The following DRAM1 variants were observed in gnomAD, a reference collection of about 807,000 sequenced individuals.
The protein encoded by DRAM1 is DNA damage-regulated autophagy modulator protein 1.
A neutral mutation model predicts 28.5 loss-of-function variants in DRAM1; 25 were observed. The observed-to-expected ratio is 0.88, with a 90% CI of 0.64 to 1.23. The LOEUF is 1.23. DRAM1 is among the 50% of genes most tolerant of loss of function. DRAM1 has a pLI of 0.00. For missense variants in DRAM1, 249 were observed against 299.2 expected (o/e 0.83, Z 1.24); for synonymous variants, 113 against 114.2 (o/e 0.99, Z 0.07).
At chr12:101,907,410 G>T (rs994377122) in intron 3 of DRAM1, among the ~76,000 whole-genome samples, 1 of 151,286 alleles carries the variant, frequency 6.6e-6, no homozygotes, top group Non-Finnish European at 1.5e-5. Context: ...ATATCATACC[G>T]AAGTTTATTG....
At chr12:101,914,858 A>G (rs1047795248) in intron 5 of DRAM1, among the ~76,000 whole-genome samples, 1 of 151,326 alleles carries the variant, frequency 6.6e-6, no homozygotes, top group Non-Finnish European at 1.5e-5. Flanking sequence ...GGTTTTTCCC[A>G]TGTTGACCAG....
At chr12:101,904,047 C>T (rs1014878024) in intron 3 of DRAM1, among the ~76,000 whole-genome samples, 1 of 152,226 alleles carries the variant, frequency 6.6e-6, no homozygotes, top group East Asian at 1.9e-4. Context: ...AGTGCAGTGG[C>T]GCGATCTTGG....
In DRAM1 at chr12:101,921,197, C is replaced by G. The variant is rs745800620; in HGVS notation, c.673-19C>G. On this transcript the variant is annotated intron_variant, in intron 6 of 6. Transcript: ENST00000258534. The stretch of plus-strand genomic sequence containing the variant: ...TGTTTAACTTCTTTTAAACCTTTCT[C>G]TTTCATTTTTAAAAATAGAGTGTCA... 1.9e-6 allele frequency: 3 copies of G among 1,568,854 alleles called. No homozygotes were observed. The highest frequency in any genetic ancestry group is 3.3e-5 in the Admixed American group (2 of 59,838).
intron 1 of DRAM1, among the ~76,000 whole-genome samples, chr12:101,892,417 T>A (rs55794687): frequency 4.0e-4 from 32 of 80,524 alleles, no homozygotes; most frequent in African/African-American, 2.0e-3. Context: ...TTTTTTTTTT[T>A]TTTTTTTTGT....
At chr12:101,886,307 T>C (rs1047438515) in intron 1 of DRAM1, among the ~76,000 whole-genome samples, 1 of 152,206 alleles carries the variant, frequency 6.6e-6, no homozygotes, top group Non-Finnish European at 1.5e-5. Flanking sequence ...GTTCCAGCTG[T>C]AGAACTTTGG....
At chr12:101,887,648 A>G (rs1872937289) in intron 1 of DRAM1, among the ~76,000 whole-genome samples, 1 of 151,512 alleles carries the variant, frequency 6.6e-6, no homozygotes, top group African/African-American at 2.4e-5. Flanking sequence ...CTCTGGCCTC[A>G]ACCCCCTGAG....
chr12:101,884,827 A>T (rs1872824278), intron 1 of DRAM1, among the ~76,000 whole-genome samples: 1 of 152,208 alleles, frequency 6.6e-6, no homozygotes, highest in African/African-American at 2.4e-5. Flanking sequence ...TGATACTAAA[A>T]ATTAGGAAAA....
At chr12:101,898,250 G>A (rs910121882) in intron 2 of DRAM1, among the ~76,000 whole-genome samples, 5 of 152,026 alleles carry the variant, frequency 3.3e-5, no homozygotes, top group African/African-American at 7.2e-5. Flanking sequence ...TTGAGCTCCC[G>A]GGCTTCAGTG....
At chr12:101,878,121 A>C (rs1265823058) in intron 1 of DRAM1, among the ~76,000 whole-genome samples, 1 of 152,096 alleles carries the variant, frequency 6.6e-6, no homozygotes, top group African/African-American at 2.4e-5. Context: ...TTCTGCCTGT[A>C]CCCGGAGCAT....
intron 1 of DRAM1, among the ~76,000 whole-genome samples, chr12:101,891,200 AATG>A (rs67752764): frequency 0.64 from 96,523 of 151,606 alleles, 32,323 homozygotes; most frequent in East Asian, 0.91. Flanking sequence ...AGATAAAGGA[AATG>A]ATGTTCTCTT....
chr12:101,896,844 A>G (rs1418342423), intron 1 of DRAM1, among the ~76,000 whole-genome samples: 3 of 151,510 alleles, frequency 2.0e-5, no homozygotes, highest in East Asian at 3.9e-4. Context: ...CTGGAGTGCA[A>G]TGGTGTGATC....
chr12:101,896,258 A>G (rs1873368773), intron 1 of DRAM1, among the ~76,000 whole-genome samples: 1 of 152,234 alleles, frequency 6.6e-6, no homozygotes, highest in South Asian at 2.1e-4. Context: ...TGTTTTCTGC[A>G]CACACAGGCT....
chr12:101,913,441 C>T lies in DRAM1; in HGVS notation c.521-733C>T, dbSNP rs553021727. 4.6e-5 allele frequency among the ~76,000 whole-genome samples: 7 copies of T among 152,160 alleles called. No individual in the cohort carries two copies. The South Asian group carries it at 1.0e-3, about 23-fold the overall frequency. ...GTATTTTAGGCCGGGCACGGTGGCT[C>T]ATGCCTGTAATCCCAGCACTTTGGG... On this transcript the variant is annotated intron_variant, in intron 4 of 6. Coordinates refer to ENST00000258534, the MANE Select transcript of DRAM1 (RefSeq NM_018370.3).
chr12:101,912,569 A>C (rs908799453), intron 4 of DRAM1, among the ~76,000 whole-genome samples: 28 of 152,184 alleles, frequency 1.8e-4, no homozygotes. Flanking sequence ...TTAGAAACAG[A>C]TGTGAGGTGA....
chr12:101,908,922 A>T (rs1238170371), intron 4 of DRAM1, among the ~76,000 whole-genome samples: 1 of 148,038 alleles, frequency 6.8e-6, no homozygotes, highest in African/African-American at 2.5e-5. Context: ...AAAGCAAAGG[A>T]TAACAACCAA....
At chr12:101,891,241 A>G (rs1873117519) in intron 1 of DRAM1, among the ~76,000 whole-genome samples, 1 of 152,096 alleles carries the variant, frequency 6.6e-6, no homozygotes, top group African/African-American at 2.4e-5. Flanking sequence ...TTTTTTTTAG[A>G]TTCTAAGTCC....
At chr12:101,879,948 G>C (rs1456858495) in intron 1 of DRAM1, among the ~76,000 whole-genome samples, 1 of 151,138 alleles carries the variant, frequency 6.6e-6, no homozygotes, top group Non-Finnish European at 1.5e-5. Flanking sequence ...CCGAGACAGA[G>C]CTACTGCACT....
chr12:101,914,209 C>A lies in DRAM1; in HGVS notation c.556C>A (p.Leu186Met), dbSNP rs200817899. The A allele has an allele frequency of 2.4e-5, 39 of 1,608,806 alleles. No homozygotes were observed. In the Admixed American group the frequency reaches 5.7e-4, roughly 23 times the overall value. ...VCASLISITK[L>M]EWNPREKDYV... Reference sequence around the variant, plus strand: ...TGCTTCACTAATTTCCATAACCAAGCTGGAGTGGAATCCAAGAGAAAAGGT... The same window carrying A: ...TGCTTCACTAATTTCCATAACCAAGATGGAGTGGAATCCAAGAGAAAAGGT... Residue 186 changes from leucine (L) to methionine (M), a missense_variant, in exon 5 of 7, where the codon CTG (leucine) becomes ATG (methionine). Transcript: ENST00000258534.
chr12:101,911,647 T>C (rs1350639276), intron 4 of DRAM1, among the ~76,000 whole-genome samples: 1 of 152,216 alleles, frequency 6.6e-6, no homozygotes, highest in African/African-American at 2.4e-5. Flanking sequence ...TTTTGCATAC[T>C]TGAAATGTGG....
Sources: allele counts gnomAD v4.1 joint callset (sites outside exome capture counted in the v4.1 genomes callset), GRCh38; gene constraint gnomAD v4.1.1; transcripts MANE v1.5; gene names NCBI Gene and HGNC (gene_info 2026-07-23, HGNC 2026-07-21).